Variants in ANKRD22 observed in about 807,000 individuals in gnomAD.
ANKRD22 encodes the protein ankyrin repeat domain 22.
In ANKRD22, 24 loss-of-function variants were observed where a neutral mutation model predicts 25.7. The ratio of observed to expected loss-of-function variants is 0.93; its 90% CI spans 0.68 to 1.31. ANKRD22 has a LOEUF of 1.31. Among genes scored for constraint, ANKRD22 ranks in the 50% most tolerant of loss-of-function variants. The pLI is 0.00. For missense variants in ANKRD22, 214 were observed against 227.1 expected (o/e 0.94, Z 0.37); for synonymous variants, 84 against 84.3 (o/e 1.00, Z 0.02).
rs376412609 is a variant in ANKRD22, at chr10:88,828,599, A to T, written c.281T>A (p.Ile94Asn). 14 of 1,611,358 alleles carry T rather than the reference A, an allele frequency of 8.7e-6. No homozygotes were observed. The highest frequency in any genetic ancestry group is 4.0e-5 in the African/African-American group (3 of 74,812). The change falls in exon 3 of 6, where the codon ATC (isoleucine) becomes AAC (asparagine). Residue 94 changes from isoleucine to asparagine, a missense_variant. Coordinates refer to ENST00000371930, the MANE Select transcript of ANKRD22 (RefSeq NM_144590.3). Reference sequence around the variant, plus strand: ...AATAAGCAGAACAGGCATTAAGAGGATAATTAGTAGATAATCAATGAAGGT... The same window carrying T: ...AATAAGCAGAACAGGCATTAAGAGGTTAATTAGTAGATAATCAATGAAGGT... Reference protein sequence around the residue: ...KFTFIDYLLIILLMPVLLIGY... With the variant: ...KFTFIDYLLINLLMPVLLIGY...
At chr10:88,850,801 T>G (rs759447061) in intron 1 of ANKRD22, among the ~76,000 whole-genome samples, 1 of 152,182 alleles carries the variant, frequency 6.6e-6, no homozygotes, top group East Asian at 1.9e-4. Context: ...TAGAAATAAC[T>G]GCAAATAAAC....
chr10:88,832,064 G>C, intron 1 of ANKRD22, 38 bp from the exon 2 acceptor site: 1 of 1,540,998 alleles, frequency 6.5e-7, no homozygotes, highest in Non-Finnish European at 8.7e-7. Flanking sequence ...TTGAAATACT[G>C]GCATAATTAA....
intron 2 of ANKRD22, 48 bp from the exon 3 acceptor site, chr10:88,828,714 A>G (rs1268810494): frequency 1.4e-6 from 2 of 1,395,686 alleles, no homozygotes; most frequent in East Asian, 4.6e-5. Context: ...TTTCAATTCA[A>G]AATTTATTCA....
chr10:88,823,759 C>T (rs1273787262), intron 4 of ANKRD22, among the ~76,000 whole-genome samples: 3 of 140,180 alleles, frequency 2.1e-5, no homozygotes, highest in East Asian at 4.6e-4. Flanking sequence ...ACCCGGGAGG[C>T]GGAGCTTGCA....
intron 1 of ANKRD22, among the ~76,000 whole-genome samples, chr10:88,838,911 G>A (rs1237822333): frequency 6.6e-6 from 1 of 152,172 alleles, no homozygotes; most frequent in East Asian, 1.9e-4. Flanking sequence ...AGATTGAAGA[G>A]AAGGAGTATT....
Position 88,831,899 on chromosome 10 carries a change from C to T in ANKRD22, c.149G>A (p.Arg50Gln), listed in dbSNP as rs143516492. 133 of 1,613,080 alleles carry T rather than the reference C, an allele frequency of 8.2e-5. No homozygotes were observed. The highest frequency in any genetic ancestry group is 4.9e-4 in the Middle Eastern group (3 of 6,082). The change falls in exon 2 of 6, where the codon CGA (arginine) becomes CAA (glutamine). Residue 50 changes from arginine to glutamine, a missense_variant. Transcript: ENST00000371930. ...GDTPLICACR[R>Q]GHVRIVSFLL... ...GAAGGAAACGATTCTCACATGCCCT[C>T]GCCTGCAAGCACAGATCAGGGGCGT...
rs1843804765 is a variant in ANKRD22, at chr10:88,822,289, A to G, written c.*652T>C. On this transcript the variant is annotated 3_prime_UTR_variant, in exon 6 of 6. Coordinates refer to ENST00000371930, the MANE Select transcript of ANKRD22 (RefSeq NM_144590.3). ...ATGTTTTTATTGAAATTCCTTCACC[A>G]AAGGAATATTTACTTGTGAATCTCT... 1 of 152,134 alleles carries G rather than the reference A, an allele frequency of 6.6e-6. No individual in the cohort carries two copies. The highest frequency in any genetic ancestry group is 6.5e-5 in the Admixed American group (1 of 15,272). 9.4% of individuals were successfully genotyped at this position (152,134 alleles called of 1,614,324 possible). A position where few individuals can be genotyped will look rare whatever the true frequency, so the allele number is the denominator to read the frequency against.
intron 2 of ANKRD22, among the ~76,000 whole-genome samples, chr10:88,830,264 G>A (rs1469804798): frequency 6.6e-6 from 1 of 152,078 alleles, no homozygotes; most frequent in African/African-American, 2.4e-5. Context: ...GTTCTAATAA[G>A]ACAATAATAA....
rs1184893596 is a variant in ANKRD22, at chr10:88,831,998, T to G, written c.50A>C (p.Asp17Ala). 1 of 1,612,898 alleles carries G rather than the reference T, an allele frequency of 6.2e-7. No homozygotes were observed. The highest frequency in any genetic ancestry group is 1.3e-5 in the African/African-American group (1 of 74,962). Residue 17 changes from aspartate (D) to alanine (A), a missense_variant, in exon 2 of 6, where the codon GAC becomes GCC. Physicochemically the swap from Asp to Ala is moderately radical, Grantham distance 126. Transcript: ENST00000371930. Reference protein sequence around the residue: ...EPICQAAYQNDFGQVWRWVKE... With the variant: ...EPICQAAYQNAFGQVWRWVKE... ...CACCCACCGCCACACTTGTCCAAAG[T>G]CATTCTGATAGGCTGCTTGGCAGAT...
intron 1 of ANKRD22, among the ~76,000 whole-genome samples, chr10:88,848,356 A>G (rs1844072965): frequency 6.6e-6 from 1 of 152,044 alleles, no homozygotes; most frequent in Non-Finnish European, 1.5e-5. Flanking sequence ...CATATGTGAA[A>G]GTTATCATTT....
chr10:88,844,414 C>T lies in ANKRD22; in HGVS notation c.21+7173G>A, dbSNP rs138529250. Reference sequence around the variant, plus strand: ...TTAGAAAGTTAGTGTTAAGACTTCCCAGTTAATTAGTATGTAAACCATTTT... The same window carrying T: ...TTAGAAAGTTAGTGTTAAGACTTCCTAGTTAATTAGTATGTAAACCATTTT... On this transcript the variant is annotated intron_variant, in intron 1 of 5. Coordinates refer to ENST00000371930, the MANE Select transcript of ANKRD22 (RefSeq NM_144590.3). Among the ~76,000 whole-genome samples, 372 of 152,178 alleles carry T rather than the reference C, an allele frequency of 2.4e-3. 1 individual carries two copies. Among genetic ancestry groups the T allele is most frequent in the African/African-American group, 8.3e-3 (344 of 41,534 alleles).
At chr10:88,851,157 A>G (rs1385424113) in intron 1 of ANKRD22, among the ~76,000 whole-genome samples, 1 of 152,144 alleles carries the variant, frequency 6.6e-6, no homozygotes, top group Non-Finnish European at 1.5e-5. Flanking sequence ...CTCCCTTCAA[A>G]TACCAAGCTG....
chr10:88,824,018 A>G (rs573118412), intron 4 of ANKRD22, among the ~76,000 whole-genome samples: 34 of 152,274 alleles, frequency 2.2e-4, no homozygotes, highest in African/African-American at 7.2e-4. Context: ...CACCTTGATC[A>G]TGTCACCATC....
At chr10:88,848,247 A>C (rs544812879) in intron 1 of ANKRD22, among the ~76,000 whole-genome samples, 13 of 150,308 alleles carry the variant, frequency 8.6e-5, no homozygotes, top group African/African-American at 2.4e-4. Context: ...AGATGCCTGA[A>C]ACATAGTATG....
intron 1 of ANKRD22, among the ~76,000 whole-genome samples, chr10:88,837,765 T>A (rs975302506): frequency 6.6e-6 from 1 of 152,098 alleles, no homozygotes; most frequent in Admixed American, 6.5e-5. Flanking sequence ...TAGGGGTGGG[T>A]CTTTCCCATG....
chr10:88,842,549 A>T lies in ANKRD22; in HGVS notation c.21+9038T>A, dbSNP rs144757509. ...TGAGATCTCAATACTTTCCAAGAGA[A>T]CTGTGCTAGGCTCTAGGGATACAGA... On this transcript the variant is annotated intron_variant, in intron 1 of 5. Transcript: ENST00000371930. Among the ~76,000 whole-genome samples, 701 of 152,270 alleles carry T rather than the reference A, an allele frequency of 4.6e-3. 1 individual carries two copies. Among genetic ancestry groups the T allele is most frequent in the African/African-American group, 0.015 (638 of 41,550 alleles).
chr10:88,840,655 G>T (rs1314448812), intron 1 of ANKRD22, among the ~76,000 whole-genome samples: 1 of 152,126 alleles, frequency 6.6e-6, no homozygotes, highest in Non-Finnish European at 1.5e-5. Flanking sequence ...GTAGGTTTTG[G>T]AGCAAAATGA....
At chr10:88,832,129 A>G in intron 1 of ANKRD22, 103 bp from the exon 2 acceptor site, 1 of 1,267,256 alleles carries the variant, frequency 7.9e-7, no homozygotes, top group South Asian at 1.5e-5. Context: ...TAAATGTTTT[A>G]AAATTGTAAT....
At chr10:88,827,718 G>T (rs73354433) in intron 3 of ANKRD22, among the ~76,000 whole-genome samples, 4,301 of 152,234 alleles carry the variant, frequency 0.028, 190 homozygotes, top group African/African-American at 0.097. Flanking sequence ...AATACCCAAT[G>T]AAATAATAAC....
Sources: allele counts gnomAD v4.1 joint callset (sites outside exome capture counted in the v4.1 genomes callset), GRCh38; gene constraint gnomAD v4.1.1; transcripts MANE v1.5; gene names NCBI Gene and HGNC (gene_info 2026-07-23, HGNC 2026-07-21).